Variants in COP1 observed in about 807,000 individuals in gnomAD.
COP1 encodes the protein E3 ubiquitin-protein ligase COP1.
In COP1, 24 loss-of-function variants were observed where a neutral mutation model predicts 101.3. The observed-to-expected ratio is 0.24, with a 90% CI of 0.17 to 0.33. COP1 has a LOEUF of 0.33. COP1 is among the 10% of genes least tolerant of loss of function. COP1 has a pLI of 1.00. For missense variants in COP1, 663 were observed against 906.2 expected, an observed-to-expected ratio of 0.73 and a Z score of 3.45; for synonymous variants, 347 against 341.9, an observed-to-expected ratio of 1.01 and a Z score of -0.17.
At chr1:176,046,798 C>G (rs986274640) in intron 11 of COP1, among the ~76,000 whole-genome samples, 2 of 151,900 alleles carry the variant, frequency 1.3e-5, no homozygotes, top group Non-Finnish European at 2.9e-5. Flanking sequence ...ATTACTGAAG[C>G]AATTGGGTGA....
chr1:176,136,641 G>T, intron 6 of COP1, 94 bp from the exon 7 acceptor site: 1 of 765,410 alleles, frequency 1.3e-6, no homozygotes, highest in South Asian at 1.9e-5. Context: ...TTTACATTAG[G>T]AAAATAATTT....
intron 1 of COP1, among the ~76,000 whole-genome samples, chr1:176,195,769 C>T (rs548275657): frequency 4.6e-5 from 7 of 152,264 alleles, no homozygotes; most frequent in Admixed American, 1.3e-4. Flanking sequence ...TTATCCTAAA[C>T]GGATTAACAC....
At chr1:175,968,762 A>C (rs1652651439) in intron 18 of COP1, among the ~76,000 whole-genome samples, 1 of 152,216 alleles carries the variant, frequency 6.6e-6, no homozygotes, top group African/African-American at 2.4e-5. Flanking sequence ...GATACAAAAC[A>C]ACACATACAT....
chr1:176,100,550 T>G lies in COP1; in HGVS notation c.1027-14660A>C, dbSNP rs368806572. Among the ~76,000 whole-genome samples, 200 of 152,284 alleles carry G rather than the reference T, an allele frequency of 1.3e-3. 1 individual carries two copies. The highest frequency in any genetic ancestry group is 4.7e-3 in the African/African-American group (195 of 41,552). ...TGTGAACCAAACAGTAGTTTCCAGC[T>G]GCAGCTCAGAAAAAAACAAAAGGGA... On this transcript the variant is annotated intron_variant, in intron 9 of 19. Transcript: ENST00000367669.
chr1:176,052,608 A>G (rs947786684), intron 11 of COP1, among the ~76,000 whole-genome samples: 8 of 152,170 alleles, frequency 5.3e-5, no homozygotes, highest in Non-Finnish European at 8.8e-5. Context: ...TTCTTAGAAC[A>G]TATTTCATTA....
At chr1:176,144,067 A>G (rs1188615961) in intron 6 of COP1, among the ~76,000 whole-genome samples, 1 of 152,148 alleles carries the variant, frequency 6.6e-6, no homozygotes, top group Non-Finnish European at 1.5e-5. Flanking sequence ...ATGCCCCGCT[A>G]TCACCACTTC....
chr1:176,090,957 C>T (rs1558088436), intron 9 of COP1, among the ~76,000 whole-genome samples: 1 of 152,116 alleles, frequency 6.6e-6, no homozygotes, highest in Admixed American at 6.5e-5. Context: ...TAAGGTGAAA[C>T]TGTGTTTTTG....
intron 5 of COP1, among the ~76,000 whole-genome samples, chr1:176,153,429 C>A (rs932141774): frequency 6.6e-6 from 1 of 152,138 alleles, no homozygotes; most frequent in Non-Finnish European, 1.5e-5. Context: ...GATTTCTGTA[C>A]ATTGATTTTG....
At chr1:176,089,914 T>C (rs1558086477) in intron 9 of COP1, among the ~76,000 whole-genome samples, 1 of 152,186 alleles carries the variant, frequency 6.6e-6, no homozygotes, top group Non-Finnish European at 1.5e-5. Flanking sequence ...GAGGAAAATT[T>C]TGCATCTGTA....
At chr1:176,168,309 A>T (rs1313353754) in intron 3 of COP1, among the ~76,000 whole-genome samples, 1 of 151,598 alleles carries the variant, frequency 6.6e-6, no homozygotes, top group Non-Finnish European at 1.5e-5. Flanking sequence ...CGCCCGTGTC[A>T]GACTCTCAAA....
intron 9 of COP1, among the ~76,000 whole-genome samples, chr1:176,103,571 C>A (rs1162691969): frequency 3.9e-5 from 6 of 152,170 alleles, no homozygotes. Context: ...ATCCAAAGTC[C>A]AAAATGCTCC....
chr1:176,100,475 T>G (rs192304728), intron 9 of COP1: 1 of 152,370 alleles, frequency 6.6e-6, no homozygotes, highest in African/African-American at 2.4e-5. Context: ...CTACATTCCT[T>G]TGTTATTTTT....
intron 14 of COP1, among the ~76,000 whole-genome samples, chr1:176,036,597 T>C (rs1669597219): frequency 6.6e-6 from 1 of 151,380 alleles, no homozygotes; most frequent in Non-Finnish European, 1.5e-5. Flanking sequence ...ATAGCTCAAC[T>C]TATGATTTTT....
chr1:176,060,646 A>T (rs1024311444), intron 11 of COP1, among the ~76,000 whole-genome samples: 2 of 152,206 alleles, frequency 1.3e-5, no homozygotes, highest in African/African-American at 2.4e-5. Context: ...ACAATATTAA[A>T]TCAGTAATGT....
At chr1:175,987,512 G>A (rs1657407687) in intron 17 of COP1, among the ~76,000 whole-genome samples, 1 of 152,050 alleles carries the variant, frequency 6.6e-6, no homozygotes, top group Non-Finnish European at 1.5e-5. Flanking sequence ...CATTTAGAGA[G>A]GTAAAAGAAA....
intron 15 of COP1, among the ~76,000 whole-genome samples, chr1:176,027,227 G>A (rs945313546): frequency 4.6e-5 from 7 of 152,234 alleles, no homozygotes; most frequent in African/African-American, 1.7e-4. Context: ...AAGTGTTCCT[G>A]TGCCTATACA....
intron 11 of COP1, among the ~76,000 whole-genome samples, chr1:176,048,185 A>T (rs1671839677): frequency 6.9e-6 from 1 of 145,140 alleles, no homozygotes; most frequent in African/African-American, 2.5e-5. Context: ...TTTTTTAAAG[A>T]ATTAAAATTC....
At chr1:176,048,532 T>C (rs1192185461) in intron 11 of COP1, among the ~76,000 whole-genome samples, 1 of 152,214 alleles carries the variant, frequency 6.6e-6, no homozygotes, top group Non-Finnish European at 1.5e-5. Flanking sequence ...ATGACAACTA[T>C]TCATCTATCC....
At chr1:175,952,811 G>A (rs937367668) in intron 18 of COP1, among the ~76,000 whole-genome samples, 3 of 152,094 alleles carry the variant, frequency 2.0e-5, no homozygotes, top group South Asian at 2.1e-4. Flanking sequence ...CAGCTACTCC[G>A]GAGGCTGAAG....
Sources: allele counts gnomAD v4.1 joint callset (sites outside exome capture counted in the v4.1 genomes callset), GRCh38; gene constraint gnomAD v4.1.1; transcripts MANE v1.5; gene names NCBI Gene and HGNC (gene_info 2026-07-23, HGNC 2026-07-21).